HEBP2: variants seen among roughly 807,000 people sequenced by gnomAD.
HEBP2 encodes the protein heme-binding protein 2.
HEBP2 carries 27 observed loss-of-function variants against 23.1 expected under a neutral mutation model. The ratio of observed to expected loss-of-function variants is 1.17; its 90% CI spans 0.86 to 1.61. The LOEUF is 1.61. Among genes scored for constraint, HEBP2 ranks in the 40% most tolerant of loss-of-function variants. The pLI is 0.00. For missense variants in HEBP2, 245 were observed against 253.8 expected, an observed-to-expected ratio of 0.97 and a Z score of 0.24; for synonymous variants, 99 against 95.1, an observed-to-expected ratio of 1.04 and a Z score of -0.24.
At chr6:138,410,783 G>A (rs1489367724) in intron 3 of HEBP2, among the ~76,000 whole-genome samples, 2 of 152,140 alleles carry the variant, frequency 1.3e-5, no homozygotes, top group African/African-American at 2.4e-5. Context: ...ACCATGCCTG[G>A]CCCAAAATGT....
chr6:138,404,828 AGGAACTGGTTACGTCCCAGAACGCGCGGT>A (rs1166649052), intron 1 of HEBP2, among the ~76,000 whole-genome samples: 1 of 152,020 alleles, frequency 6.6e-6, no homozygotes, highest in Non-Finnish European at 1.5e-5. Context: ...TGGGGCGGGG[AGGAACTGGTTACGTCCCAGAACGCGCGGT>A]GGAACCCTCC....
At position 138,404,579 on chromosome 6, in the gene HEBP2, G is replaced by A. The variant is rs2114761966; in HGVS notation, c.84G>A (p.Pro28=). The change falls in exon 1 of 4, where the codon CCG becomes CCA. Residue 28 remains proline (P), a synonymous_variant. Coordinates refer to ENST00000607197, the MANE Select transcript of HEBP2 (RefSeq NM_014320.3). ...TGGAGACGCCGGGCTGGAAGGCCCC[G>A]GAGGACGCCGGCCCCCAGGTAGGCG... ...QAVETPGWKA[P]EDAGPQPGSY... 20 of 1,302,000 alleles carry A rather than the reference G, an allele frequency of 1.5e-5. No individual in the cohort carries two copies. The highest frequency in any genetic ancestry group is 1.9e-5 in the Non-Finnish European group (19 of 1,026,344). The allele number at this position is 1,302,000 out of a possible 1,614,324, so 80.7% of individuals were successfully genotyped here. A position where few individuals can be genotyped will look rare whatever the true frequency, so the allele number is the denominator to read the frequency against.
rs1774896326 is a variant in HEBP2, at chr6:138,420,096, CTGAA to C, written c.*7021_*7024del. 2 of 152,246 alleles carry C rather than the reference CTGAA, an allele frequency of 1.3e-5. No individual in the cohort carries two copies. Among genetic ancestry groups the C allele is most frequent in the African/African-American group, 4.8e-5 (2 of 41,440 alleles). 9.4% of individuals were successfully genotyped at this position (152,246 alleles called of 1,614,324 possible). ...CTCTGTACTCCTTGCCCAGTTGTAA[CTGAA>C]TGGACTAGTGCAGCAACCCTGGTCT... On this transcript the variant is annotated 3_prime_UTR_variant, in exon 4 of 4. Transcript: ENST00000607197.
chr6:138,408,574 A>G (rs536596322), intron 3 of HEBP2, among the ~76,000 whole-genome samples: 14 of 152,264 alleles, frequency 9.2e-5, no homozygotes, highest in African/African-American at 3.4e-4. Flanking sequence ...CATCCTCAGC[A>G]GTGCCTCTGT....
At position 138,405,167 on chromosome 6, in the gene HEBP2, A is replaced by G. The variant is rs193920889; in HGVS notation, c.125A>G (p.His42Arg). The G allele has an allele frequency of 6.2e-7, 1 of 1,613,304 alleles. No individual in the cohort carries two copies. Among genetic ancestry groups the G allele is most frequent in the Non-Finnish European group, 8.5e-7 (1 of 1,179,784 alleles). ...GPQPGSYEIRHYGPAKWVSTS... is the reference protein window; with the variant it reads ...GPQPGSYEIRRYGPAKWVSTS... Reference sequence around the variant, plus strand: ...TAGCCCGGAAGTTATGAGATCCGACACTATGGACCAGCCAAGTGGGTCAGC... The same window carrying G: ...TAGCCCGGAAGTTATGAGATCCGACGCTATGGACCAGCCAAGTGGGTCAGC... The change falls in exon 2 of 4, where the codon CAC becomes CGC. Residue 42 changes from histidine to arginine, a missense_variant. Coordinates refer to ENST00000607197, the MANE Select transcript of HEBP2 (RefSeq NM_014320.3).
Position 138,411,828 on chromosome 6 carries a change from G to C in HEBP2, c.420-1052G>C, listed in dbSNP as rs554362651. Among the ~76,000 whole-genome samples, 8 of 152,272 alleles carry C rather than the reference G, an allele frequency of 5.3e-5. No homozygotes were observed. In the South Asian group the frequency reaches 1.5e-3, roughly 28 times the overall value. On this transcript the variant is annotated intron_variant, in intron 3 of 3. Transcript: ENST00000607197. ...TAAAAAATTAGTCCGATGTGCACCTGTGGTTCCAGCAACTTGGGAGGCTGA... is the reference window on the plus strand; with the variant it reads ...TAAAAAATTAGTCCGATGTGCACCTCTGGTTCCAGCAACTTGGGAGGCTGA...
In HEBP2 at chr6:138,422,055, T is replaced by C. The variant is rs568781708; in HGVS notation, c.*8977T>C. 195 of 152,350 alleles carry C rather than the reference T, an allele frequency of 1.3e-3. No homozygotes were observed. Among genetic ancestry groups the C allele is most frequent in the African/African-American group, 4.4e-3 (182 of 41,594 alleles). The allele number at this position is 152,350 out of a possible 1,614,324, so 9.4% of individuals were successfully genotyped here. A position where few individuals can be genotyped will look rare whatever the true frequency, so the allele number is the denominator to read the frequency against. On this transcript the variant is annotated 3_prime_UTR_variant, in exon 4 of 4. Transcript: ENST00000607197. Reference sequence around the variant, plus strand: ...AATATTTCAAATATTTACTTTACAATTGTTTTATTCAAAGGAAATTAAATA... The same window carrying C: ...AATATTTCAAATATTTACTTTACAACTGTTTTATTCAAAGGAAATTAAATA...
Position 138,413,073 on chromosome 6 carries a change from G to C in HEBP2, c.613G>C (p.Glu205Gln), listed in dbSNP as rs750449654. 2 of 1,610,902 alleles carry C rather than the reference G, an allele frequency of 1.2e-6. No individual in the cohort carries two copies. The highest frequency in any genetic ancestry group is 2.7e-5 in the African/African-American group (2 of 74,766). ...IQKNEPTKEN[E>Q] ...AAAAAATGAACCCACCAAAGAAAAC[G>C]AATGAGAAAAATGAAAGGAAGTTCT... Residue 205 changes from glutamate (E) to glutamine (Q), a missense_variant, in exon 4 of 4, where the codon GAA becomes CAA. Physicochemically the swap from Glu to Gln is conservative, Grantham distance 29. Coordinates refer to ENST00000607197, the MANE Select transcript of HEBP2 (RefSeq NM_014320.3).
intron 3 of HEBP2, chr6:138,412,215 C>T (rs1774758930): frequency 2.8e-6 from 1 of 356,862 alleles, no homozygotes; most frequent in Non-Finnish European, 5.4e-6. Context: ...CACTCTCAGG[C>T]CCCACCCCAG....
chr6:138,408,821 AT>A (rs1420291272), intron 3 of HEBP2, among the ~76,000 whole-genome samples: 1 of 152,030 alleles, frequency 6.6e-6, no homozygotes, highest in Middle Eastern at 3.2e-3. Context: ...ATCCATTCAT[AT>A]TGCTTCAACT....
In HEBP2 at chr6:138,405,195, G is replaced by C; in HGVS notation, c.153G>C (p.Thr51=). Reference sequence around the variant, plus strand: ...ATGGACCAGCCAAGTGGGTCAGCACGTCCGTGGAGTCTATGGACTGGGATT... The same window carrying C: ...ATGGACCAGCCAAGTGGGTCAGCACCTCCGTGGAGTCTATGGACTGGGATT... ...RHYGPAKWVS[T]SVESMDWDSA... The change falls in exon 2 of 4, where the codon ACG becomes ACC. Residue 51 remains threonine, a synonymous_variant. Transcript: ENST00000607197. 1 of 1,614,146 alleles carries C rather than the reference G, an allele frequency of 6.2e-7. No homozygotes were observed. Among genetic ancestry groups the C allele is most frequent in the Non-Finnish European group, 8.5e-7 (1 of 1,179,988 alleles).
chr6:138,412,153 G>A (rs970850549), intron 3 of HEBP2: 2 of 411,166 alleles, frequency 4.9e-6, no homozygotes, highest in Non-Finnish European at 9.6e-6. Context: ...GGGTGTTGGT[G>A]TAGTTCTCTG....
At chr6:138,405,365 C>A in intron 2 of HEBP2, 85 bp downstream of exon 2, 2 of 1,514,344 alleles carry the variant, frequency 1.3e-6, no homozygotes, top group Non-Finnish European at 1.8e-6. Flanking sequence ...AAAGAAATAT[C>A]CTTTATAATG....
At chr6:138,406,204 A>C (rs1444732448) in intron 3 of HEBP2, 53 bp downstream of exon 3, 10 of 1,508,716 alleles carry the variant, frequency 6.6e-6, no homozygotes, top group Non-Finnish European at 9.1e-6. Context: ...ACTTGCGTGC[A>C]CTCACAGTTT....
Position 138,418,967 on chromosome 6 carries a change from T to C in HEBP2, c.*5889T>C, listed in dbSNP as rs1267104717. The C allele has an allele frequency of 1.3e-5, 2 of 151,944 alleles. No individual in the cohort carries two copies. Among genetic ancestry groups the C allele is most frequent in the Non-Finnish European group, 2.9e-5 (2 of 67,998 alleles). 9.4% of individuals were successfully genotyped at this position (151,944 alleles called of 1,614,324 possible). A position where few individuals can be genotyped will look rare whatever the true frequency, so the allele number is the denominator to read the frequency against. On this transcript the variant is annotated 3_prime_UTR_variant, in exon 4 of 4. Transcript: ENST00000607197. ...GATTAGGAGGTCTGGGGTAGAGGCATGTGGATGGGCATATGGAGTGAACAC... is the reference window on the plus strand; with the variant it reads ...GATTAGGAGGTCTGGGGTAGAGGCACGTGGATGGGCATATGGAGTGAACAC...
rs565169209 is a variant in HEBP2, at chr6:138,421,761, T to C, written c.*8683T>C. ...TAAGAAGTTCTCACGTCTCTCCACA[T>C]GCCACGTCATCTGAACCGCCAGGCG... On this transcript the variant is annotated 3_prime_UTR_variant, in exon 4 of 4. Transcript: ENST00000607197. The C allele has an allele frequency of 6.6e-6, 1 of 152,346 alleles. No homozygotes were observed. The highest frequency in any genetic ancestry group is 2.4e-5 in the African/African-American group (1 of 41,566). The allele number at this position is 152,346 out of a possible 1,614,324, so 9.4% of individuals were successfully genotyped here. A position where few individuals can be genotyped will look rare whatever the true frequency, so the allele number is the denominator to read the frequency against.
chr6:138,408,810 A>G (rs2114768000), intron 3 of HEBP2, among the ~76,000 whole-genome samples: 1 of 152,230 alleles, frequency 6.6e-6, no homozygotes, highest in South Asian at 2.1e-4. Context: ...TGTTCTGGGC[A>G]ATCCATTCAT....
rs753542102 is a variant in HEBP2 at position 138,405,138 on chromosome 6, A to G, written c.103-7A>G. 7 of 1,607,492 alleles carry G rather than the reference A, an allele frequency of 4.4e-6. 1 individual carries two copies. Among genetic ancestry groups the G allele is most frequent in the Middle Eastern group, 3.3e-4 (2 of 6,066 alleles). On this transcript the variant is annotated splice_polypyrimidine_tract_variant and splice_region_variant and intron_variant, in intron 1 of 3. Transcript: ENST00000607197. The stretch of plus-strand genomic sequence containing the variant: ...TGCTTCTCGAAGTTTTCTCTGTTCC[A>G]CTTTAGCCCGGAAGTTATGAGATCC...
At position 138,412,939 on chromosome 6, in the gene HEBP2, G is replaced by T. The variant is rs768403002; in HGVS notation, c.479G>T (p.Ser160Ile). 8.7e-6 allele frequency: 14 copies of T among 1,614,170 alleles called. No individual in the cohort carries two copies. The highest frequency in any genetic ancestry group is 1.2e-5 in the Non-Finnish European group (14 of 1,180,012). Residue 160 changes from serine (S) to isoleucine (I), a missense_variant, in exon 4 of 4, where the codon AGC (serine) becomes ATC (isoleucine). Physicochemically the swap from Ser to Ile is moderately radical, Grantham distance 142. Transcript: ENST00000607197. The stretch of plus-strand genomic sequence containing the variant: ...CAAGAACAACTTTTGACATTAGCAA[G>T]CATTTTAAGGGAAGATGGAAAAGTT... ...KNQEQLLTLA[S>I]ILREDGKVFD...
Sources: allele counts gnomAD v4.1 joint callset (sites outside exome capture counted in the v4.1 genomes callset), GRCh38; gene constraint gnomAD v4.1.1; transcripts MANE v1.5; gene names NCBI Gene and HGNC (gene_info 2026-07-23, HGNC 2026-07-21).